Variants in CDH20 observed in about 807,000 individuals in gnomAD.
CDH20 encodes cadherin-20.
Under a neutral mutation model 74.2 loss-of-function variants are expected in CDH20, and 29 were observed. The observed-to-expected ratio is 0.39, with a 90% CI of 0.29 to 0.53. The LOEUF (loss-of-function observed/expected upper bound fraction) is 0.53, where lower values mean the gene tolerates loss of function less well. Among genes scored for constraint, CDH20 ranks in the 20% least tolerant of loss-of-function variants. The pLI, the probability that CDH20 is intolerant of heterozygous loss-of-function variation, is 0.69. For missense variants in CDH20, 988 were observed against 1,048.3 expected (o/e 0.94, Z 0.79); for synonymous variants, 469 against 405.4 (o/e 1.16, Z -1.88).
intron 1 of CDH20, among the ~76,000 whole-genome samples, chr18:61,391,411 AAAATATCCATT>A (rs1340762869): frequency 1.3e-5 from 2 of 152,200 alleles, no homozygotes; most frequent in Non-Finnish European, 2.9e-5. Context: ...CAACTAATAT[AAAATATCCATT>A]AAGAGAACAA....
rs144746464 is a variant in CDH20 at position 61,519,471 on chromosome 18, A to G, written c.1018-8496A>G. 9.3e-3 allele frequency among the ~76,000 whole-genome samples: 1,405 copies of G among 151,506 alleles called. 26 individuals carry two copies. The highest frequency in any genetic ancestry group is 0.017 in the Middle Eastern group (5 of 294). On this transcript the variant is annotated intron_variant, in intron 6 of 11. Coordinates refer to ENST00000262717, the MANE Select transcript of CDH20 (RefSeq NM_031891.4). ...AAGAAAGTGGGAGCCAACATTCAACATTCTTAAAGAAAAGAATTTTCAACC... is the reference window on the plus strand; with the variant it reads ...AAGAAAGTGGGAGCCAACATTCAACGTTCTTAAAGAAAAGAATTTTCAACC...
At chr18:61,459,955 A>T (rs1212328654) in intron 1 of CDH20, among the ~76,000 whole-genome samples, 1 of 152,202 alleles carries the variant, frequency 6.6e-6, no homozygotes, top group Non-Finnish European at 1.5e-5. Flanking sequence ...GGGAAGAGGG[A>T]AAGTGTCCCA....
chr18:61,453,430 A>G (rs1909464191), intron 1 of CDH20, among the ~76,000 whole-genome samples: 1 of 152,038 alleles, frequency 6.6e-6, no homozygotes. Context: ...GGCGTGTGCC[A>G]CCGTGCCCAG....
At position 61,365,945 on chromosome 18, in the gene CDH20, T is replaced by G. The variant is rs530447434; in HGVS notation, c.-153+32118T>G. On this transcript the variant is annotated intron_variant, in intron 1 of 11. Coordinates refer to ENST00000262717, the MANE Select transcript of CDH20 (RefSeq NM_031891.4). ...ATTTAAAACTCCTTAGGTAAAACTT[T>G]TTTGGTTGAAATATTGGGGGGTTTT... Among the ~76,000 whole-genome samples, 3 of 152,286 alleles carry G rather than the reference T, an allele frequency of 2.0e-5. No individual in the cohort carries two copies. The East Asian group carries it at 5.8e-4, about 29-fold the overall frequency.
Position 61,490,434 on chromosome 18 carries a change from G to T in CDH20, c.-120G>T, listed in dbSNP as rs369649809. 1.0e-6 allele frequency: 1 copy of T among 954,852 alleles called. No homozygotes were observed. The highest frequency in any genetic ancestry group is 1.6e-6 in the Non-Finnish European group (1 of 629,802). The allele number at this position is 954,852 out of a possible 1,614,324, so 59.1% of individuals were successfully genotyped here. A position where few individuals can be genotyped will look rare whatever the true frequency, so the allele number is the denominator to read the frequency against. On this transcript the variant is annotated 5_prime_UTR_variant, in exon 2 of 12. Coordinates refer to ENST00000262717, the MANE Select transcript of CDH20 (RefSeq NM_031891.4). ...ACTTCAAGCAGATTGACTTGAAACG[G>T]GATCTCATTTAGGAAGCATAAGTGT...
At chr18:61,489,115 A>G (rs1230500207) in intron 1 of CDH20, among the ~76,000 whole-genome samples, 3 of 152,254 alleles carry the variant, frequency 2.0e-5, no homozygotes, top group Non-Finnish European at 4.4e-5. Context: ...CTCCTCAGCT[A>G]CTTTCTCTAT....
intron 1 of CDH20, among the ~76,000 whole-genome samples, chr18:61,356,071 C>T (rs1398854085): frequency 1.3e-5 from 2 of 151,978 alleles, no homozygotes; most frequent in East Asian, 1.9e-4. Context: ...GTGATTCCAC[C>T]CCTCAAAATC....
At chr18:61,414,538 G>T (rs1912622548) in intron 1 of CDH20, among the ~76,000 whole-genome samples, 1 of 152,106 alleles carries the variant, frequency 6.6e-6, no homozygotes, top group East Asian at 1.9e-4. Flanking sequence ...TTGTATACAA[G>T]TGTCAAAATG....
intron 1 of CDH20, among the ~76,000 whole-genome samples, chr18:61,470,465 C>T (rs1265669631): frequency 6.6e-6 from 1 of 152,188 alleles, no homozygotes; most frequent in Non-Finnish European, 1.5e-5. Context: ...CCCGTTGGTG[C>T]GGAATGACAC....
intron 1 of CDH20, among the ~76,000 whole-genome samples, chr18:61,470,103 T>C (rs1461293208): frequency 6.6e-6 from 1 of 152,186 alleles, no homozygotes; most frequent in African/African-American, 2.4e-5. Flanking sequence ...TGTTCTCACC[T>C]CTGCCGGCGG....
At chr18:61,441,759 T>A (rs562137433) in intron 1 of CDH20, among the ~76,000 whole-genome samples, 21 of 152,300 alleles carry the variant, frequency 1.4e-4, no homozygotes, top group Non-Finnish European at 2.4e-4. Flanking sequence ...TAAAGGTTCT[T>A]TTTCATTTGT....
chr18:61,364,662 G>A (rs1201118879), intron 1 of CDH20, among the ~76,000 whole-genome samples: 2 of 118 alleles, frequency 0.017, no homozygotes, highest in East Asian at 0.33. Context: ...CAAGTGCCTG[G>A]CACCCCTTCC....
intron 4 of CDH20, among the ~76,000 whole-genome samples, chr18:61,502,399 C>A (rs1911414076): frequency 6.6e-6 from 1 of 152,054 alleles, no homozygotes; most frequent in Non-Finnish European, 1.5e-5. Flanking sequence ...TGTCACAAAA[C>A]AGAATGAATA....
At chr18:61,553,130 G>T (rs1334784348) in intron 11 of CDH20, among the ~76,000 whole-genome samples, 1 of 152,098 alleles carries the variant, frequency 6.6e-6, no homozygotes, top group Non-Finnish European at 1.5e-5. Context: ...AATCATTGTT[G>T]TGAGTTTTAT....
intron 1 of CDH20, among the ~76,000 whole-genome samples, chr18:61,486,380 A>G (rs1366256872): frequency 6.6e-6 from 1 of 152,168 alleles, no homozygotes; most frequent in Non-Finnish European, 1.5e-5. Flanking sequence ...TGAACCATAC[A>G]TACTGAAATA....
At chr18:61,382,858 G>T (rs896698942) in intron 1 of CDH20, among the ~76,000 whole-genome samples, 1 of 152,158 alleles carries the variant, frequency 6.6e-6, no homozygotes, top group Non-Finnish European at 1.5e-5. Context: ...GCCCTTGCCA[G>T]CCCAGAGGCA....
chr18:61,356,658 T>G (rs17068213), intron 1 of CDH20, among the ~76,000 whole-genome samples: 411 of 152,334 alleles, frequency 2.7e-3, no homozygotes, highest in African/African-American at 9.4e-3. Flanking sequence ...TCTAACTTCC[T>G]TGTTTTTCAT....
rs112962132 is a variant in CDH20 at position 61,470,166 on chromosome 18, T to C, written c.-152-20236T>C. ...TGCCAACGGCTATAAATGCGTATCA[T>C]ACACACCAGAGCACCCTGGGGGGTG... On this transcript the variant is annotated intron_variant, in intron 1 of 11. Transcript: ENST00000262717. 3.2e-3 allele frequency among the ~76,000 whole-genome samples: 486 copies of C among 152,276 alleles called. 3 individuals carry two copies. The highest frequency in any genetic ancestry group is 0.012 in the East Asian group (60 of 5,178).
In CDH20 at chr18:61,366,024, G is replaced by A. The variant is rs544605068; in HGVS notation, c.-153+32197G>A. Among the ~76,000 whole-genome samples, 13 of 152,188 alleles carry A rather than the reference G, an allele frequency of 8.5e-5. 2 individuals are homozygous for A. The highest frequency in any genetic ancestry group is 3.1e-4 in the African/African-American group (13 of 41,532). On this transcript the variant is annotated intron_variant, in intron 1 of 11. Transcript: ENST00000262717. ...CGACTTGCAACATTGCACGTTTTAAGCCTCTTACAGTTTTCATATGCATTA... is the reference window on the plus strand; with the variant it reads ...CGACTTGCAACATTGCACGTTTTAAACCTCTTACAGTTTTCATATGCATTA...
Sources: gnomAD v4.1 joint callset for allele counts (sites outside exome capture counted in the v4.1 genomes callset) on GRCh38, gnomAD v4.1.1 for gene constraint, MANE v1.5 for transcripts, NCBI Gene and HGNC (gene_info 2026-07-23, HGNC 2026-07-21) for gene names.